The following NALCN variants were observed in gnomAD, a reference collection of about 807,000 sequenced individuals.
NALCN encodes sodium leak channel NALCN.
NALCN carries 111 observed loss-of-function variants against 225.3 expected under a neutral mutation model. The ratio of observed to expected loss-of-function variants is 0.49; its 90% CI spans 0.42 to 0.58. NALCN has a LOEUF of 0.58. Ranked by LOEUF, NALCN falls within the 20% of genes least tolerant of loss-of-function variation. The probability of loss-of-function intolerance (pLI) is 0.00; values close to 1 mark genes in which losing one functional copy is unlikely to be tolerated. For synonymous variants in NALCN, 764 were observed against 769.0 expected, an observed-to-expected ratio of 0.99 and a Z score of 0.11; for missense variants, 1,378 against 2,202.4, an observed-to-expected ratio of 0.63 and a Z score of 7.49.
chr13:101,157,442 C>T (rs769745325), intron 15 of NALCN, among the ~76,000 whole-genome samples: 1 of 151,966 alleles, frequency 6.6e-6, no homozygotes, highest in Non-Finnish European at 1.5e-5. Context: ...TGACAGAATG[C>T]CAGGAATGTC....
intron 13 of NALCN, among the ~76,000 whole-genome samples, chr13:101,224,590 C>A (rs550169499): frequency 2.0e-5 from 3 of 152,136 alleles, no homozygotes; most frequent in Non-Finnish European, 4.4e-5. Context: ...TCTTCCTCAG[C>A]TTACACAGCC....
At chr13:101,149,342 A>G (rs1200167373) in intron 15 of NALCN, among the ~76,000 whole-genome samples, 6 of 152,074 alleles carry the variant, frequency 3.9e-5, no homozygotes, top group Non-Finnish European at 7.4e-5. Flanking sequence ...ATGGCAAGTT[A>G]TATTTTATCG....
chr13:101,381,391 T>C (rs905915461), intron 3 of NALCN, among the ~76,000 whole-genome samples: 6 of 152,178 alleles, frequency 3.9e-5, no homozygotes, highest in African/African-American at 1.4e-4. Context: ...TTTTTAATAG[T>C]TGTGTTAAAG....
chr13:101,309,992 T>C (rs977610926), intron 7 of NALCN, among the ~76,000 whole-genome samples: 1 of 152,160 alleles, frequency 6.6e-6, no homozygotes, highest in Non-Finnish European at 1.5e-5. Flanking sequence ...TTTAGAATGA[T>C]CTTTTCCTTT....
chr13:101,309,473 T>A (rs1237475787), intron 7 of NALCN, among the ~76,000 whole-genome samples: 1 of 152,218 alleles, frequency 6.6e-6, no homozygotes, highest in African/African-American at 2.4e-5. Context: ...AATGTAGGGA[T>A]ACATTTCCTC....
At chr13:101,124,002 C>A (rs1238056754) in intron 18 of NALCN, among the ~76,000 whole-genome samples, 1 of 152,074 alleles carries the variant, frequency 6.6e-6, no homozygotes, top group Non-Finnish European at 1.5e-5. Context: ...ATATATGTAC[C>A]AATAAATGAT....
intron 15 of NALCN, among the ~76,000 whole-genome samples, chr13:101,152,245 T>A (rs2037686686): frequency 6.6e-6 from 1 of 152,194 alleles, no homozygotes; most frequent in African/African-American, 2.4e-5. Flanking sequence ...GCTGATTAAC[T>A]GCATGTGCTG....
intron 13 of NALCN, among the ~76,000 whole-genome samples, chr13:101,212,799 T>C (rs2040575250): frequency 6.6e-6 from 1 of 152,064 alleles, no homozygotes; most frequent in Non-Finnish European, 1.5e-5. Flanking sequence ...ATGCTCATTT[T>C]AAAAAGTCTA....
chr13:101,157,626 A>T (rs978284605), intron 15 of NALCN, among the ~76,000 whole-genome samples: 1 of 152,116 alleles, frequency 6.6e-6, no homozygotes, highest in East Asian at 1.9e-4. Flanking sequence ...TTTTTGGTCA[A>T]CTTTGGTTAT....
intron 11 of NALCN, among the ~76,000 whole-genome samples, chr13:101,248,136 T>G (rs1402399067): frequency 1.3e-5 from 2 of 152,180 alleles, no homozygotes; most frequent in South Asian, 4.1e-4. Context: ...TATGCATGCA[T>G]GTATCTTTAT....
At chr13:101,151,547 A>G (rs2037647690) in intron 15 of NALCN, among the ~76,000 whole-genome samples, 1 of 152,158 alleles carries the variant, frequency 6.6e-6, no homozygotes, top group Admixed American at 6.5e-5. Flanking sequence ...TCAATATAGG[A>G]AAAATAACCA....
chr13:101,399,977 G>C (rs1317721621), intron 1 of NALCN, among the ~76,000 whole-genome samples: 2 of 152,146 alleles, frequency 1.3e-5, no homozygotes, highest in Non-Finnish European at 2.9e-5. Context: ...GAGAAGAATT[G>C]TTATAAAGGC....
At chr13:101,332,397 CAAAAAAAA>C (rs753158247) in intron 7 of NALCN, among the ~76,000 whole-genome samples, 5 of 57,834 alleles carry the variant, frequency 8.6e-5, no homozygotes, top group African/African-American at 1.5e-4. Flanking sequence ...TTCACAAAGC[CAAAAAAAA>C]AAAAAAAAAA....
At chr13:101,302,777 A>G (rs1414042092) in intron 7 of NALCN, among the ~76,000 whole-genome samples, 2 of 152,202 alleles carry the variant, frequency 1.3e-5, no homozygotes, top group Admixed American at 1.3e-4. Context: ...TCACGTTTAC[A>G]TATGTGAATA....
intron 37 of NALCN, among the ~76,000 whole-genome samples, chr13:101,069,040 C>T (rs2032648587): frequency 6.6e-6 from 1 of 152,128 alleles, no homozygotes; most frequent in Admixed American, 6.5e-5. Flanking sequence ...TGTAGAATCC[C>T]AAGGTTATTG....
At position 101,404,696 on chromosome 13, in the gene NALCN, T is replaced by G. The variant is rs529742656; in HGVS notation, c.-39-5531A>C. Among the ~76,000 whole-genome samples the G allele has an allele frequency of 3.0e-4, 46 of 152,374 alleles. 1 individual carries two copies. The South Asian group carries it at 6.8e-3, about 23-fold the overall frequency. On this transcript the variant is annotated intron_variant, in intron 1 of 43. Transcript: ENST00000251127. ...TTCCATGCATACATTTATTTTTAAA[T>G]GGCTGCTTACACATGGTTTTGTAAC... is the stretch of plus-strand genomic sequence containing the variant.
chr13:101,244,889 G>A (rs1239405833), intron 11 of NALCN, among the ~76,000 whole-genome samples: 1 of 152,208 alleles, frequency 6.6e-6, no homozygotes, highest in Non-Finnish European at 1.5e-5. Context: ...GATTATTGCA[G>A]TGAACTCAAC....
chr13:101,249,394 A>G lies in NALCN; in HGVS notation c.1266+9049T>C, dbSNP rs367933320. Among the ~76,000 whole-genome samples, 15 of 152,326 alleles carry G rather than the reference A, an allele frequency of 9.8e-5. No individual in the cohort carries two copies. In the East Asian group the frequency reaches 2.9e-3, roughly 29 times the overall value. On this transcript the variant is annotated intron_variant, in intron 11 of 43. Transcript: ENST00000251127. ...GACTTTATTCATTCTTTCACAGAAGAGAAAAAGAGAAAAATATGTCTATTC... is the reference window on the plus strand; with the variant it reads ...GACTTTATTCATTCTTTCACAGAAGGGAAAAAGAGAAAAATATGTCTATTC...
chr13:101,133,690 T>C (rs372826716), intron 17 of NALCN, among the ~76,000 whole-genome samples: 3 of 152,176 alleles, frequency 2.0e-5, no homozygotes, highest in African/African-American at 7.2e-5. Flanking sequence ...ATAAACTTTC[T>C]CTGGAATTGA....
Sources: allele counts gnomAD v4.1 joint callset (sites outside exome capture counted in the v4.1 genomes callset), GRCh38; gene constraint gnomAD v4.1.1; transcripts MANE v1.5; gene names NCBI Gene and HGNC (gene_info 2026-07-23, HGNC 2026-07-21).